ANKK1: variants seen among roughly 807,000 people sequenced by gnomAD.
ANKK1 encodes the protein ankyrin repeat and kinase domain containing 1.
ANKK1 carries 37 observed loss-of-function variants against 37.6 expected under a neutral mutation model. That is an observed-to-expected ratio of 0.98 (90% confidence interval 0.76 to 1.29). The LOEUF is 1.29. ANKK1 is among the 50% of genes most tolerant of loss of function. The probability of loss-of-function intolerance (pLI) is 0.00; values close to 1 mark genes in which losing one functional copy is unlikely to be tolerated. For synonymous variants in ANKK1, 415 were observed against 418.7 expected (o/e 0.99, Z 0.11); for missense variants, 1,019 against 990.6 (o/e 1.03, Z -0.39).
At chr11:113,389,428 T>C (rs867253469) in intron 1 of ANKK1, among the ~76,000 whole-genome samples, 1 of 152,218 alleles carries the variant, frequency 6.6e-6, no homozygotes, top group Non-Finnish European at 1.5e-5. Flanking sequence ...GCTCTTCTAC[T>C]ATGTGTCAGG....
At chr11:113,396,344 T>G in intron 5 of ANKK1, 122 bp downstream of exon 5, 2 of 390,848 alleles carry the variant, frequency 5.1e-6, no homozygotes, top group Non-Finnish European at 7.4e-6. Context: ...TAGAAGGACT[T>G]TTTTTTTTTT....
intron 4 of ANKK1, 46 bp downstream of exon 4, chr11:113,395,454 G>A (rs2138131501): frequency 6.3e-7 from 1 of 1,598,820 alleles, no homozygotes; most frequent in East Asian, 2.2e-5. Context: ...GAGGACCCCT[G>A]GGATGGGCTC....
chr11:113,397,605 G>A (rs770609329), intron 6 of ANKK1, among the ~76,000 whole-genome samples: 27 of 152,306 alleles, frequency 1.8e-4, no homozygotes, highest in Non-Finnish European at 2.2e-4. Flanking sequence ...AGGAAGGCCC[G>A]GCTCTCCCAA....
At position 113,388,037 on chromosome 11, in the gene ANKK1, G is replaced by T; in HGVS notation, c.153G>T (p.Lys51Asn). The T allele has an allele frequency of 6.5e-7, 1 of 1,537,986 alleles. No individual in the cohort carries two copies. Among genetic ancestry groups the T allele is most frequent in the Admixed American group, 1.8e-5 (1 of 54,672 alleles). The change falls in exon 1 of 8, where the codon AAG becomes AAT. Residue 51 changes from lysine to asparagine, a missense_variant. By Grantham distance (94) the Lys-to-Asn change is moderately conservative. Coordinates refer to ENST00000303941, the MANE Select transcript of ANKK1 (RefSeq NM_178510.2). ...HRRWRTEYAI[K>N]CAPCLPPDAA... ...GCTGGCGGACGGAGTACGCCATCAAGTGCGCCCCCTGCCTTCCACCCGACG... is the reference window on the plus strand; with the variant it reads ...GCTGGCGGACGGAGTACGCCATCAATTGCGCCCCCTGCCTTCCACCCGACG...
At chr11:113,398,127 C>A in intron 7 of ANKK1, 111 bp downstream of exon 7, 1 of 1,305,488 alleles carries the variant, frequency 7.7e-7, no homozygotes, top group Non-Finnish European at 1.1e-6. Context: ...AGGCCTATCA[C>A]ACATCCAGGG....
intron 1 of ANKK1, among the ~76,000 whole-genome samples, chr11:113,392,188 C>T (rs1018452679): frequency 6.6e-6 from 1 of 152,120 alleles, no homozygotes; most frequent in African/African-American, 2.4e-5. Context: ...AAACTGAGGC[C>T]CAGAGGATTC....
At chr11:113,393,837 A>T in intron 2 of ANKK1, 62 bp downstream of exon 2, 1 of 1,509,368 alleles carries the variant, frequency 6.6e-7, no homozygotes, top group Non-Finnish European at 8.9e-7. Flanking sequence ...GGTGAGCAGA[A>T]TTATCCACCT....
At chr11:113,396,670 C>T (rs1950641727) in intron 5 of ANKK1, among the ~76,000 whole-genome samples, 1 of 152,150 alleles carries the variant, frequency 6.6e-6, no homozygotes, top group Non-Finnish European at 1.5e-5. Context: ...GGATCTGCAT[C>T]ACGGGGCTGG....
In ANKK1 at chr11:113,395,042, G is replaced by C; in HGVS notation, c.594G>C (p.Glu198Asp). The C allele has an allele frequency of 6.2e-7, 1 of 1,613,066 alleles. No homozygotes were observed. Among genetic ancestry groups the C allele is most frequent in the Non-Finnish European group, 8.5e-7 (1 of 1,179,524 alleles). Residue 198 changes from glutamate to aspartate, a missense_variant, in exon 3 of 8, where the codon GAG becomes GAC. By Grantham distance (45) the Glu-to-Asp change is conservative. Coordinates refer to ENST00000303941, the MANE Select transcript of ANKK1 (RefSeq NM_178510.2). ...LSYIPPEMFL[E>D]SNKAPGPKYD... ...ACATCCCCCCTGAGATGTTCCTGGA[G>C]AGTAACAAGGCCCCAGGACCTAAAT...
intron 1 of ANKK1, among the ~76,000 whole-genome samples, chr11:113,389,607 T>C (rs1950572844): frequency 6.6e-6 from 1 of 152,198 alleles, no homozygotes; most frequent in South Asian, 2.1e-4. Context: ...CTAGGAGAGC[T>C]CATTAACAGA....
chr11:113,397,100 A>G (rs1950644865), intron 5 of ANKK1, 124 bp from the exon 6 acceptor site: 4 of 769,502 alleles, frequency 5.2e-6, no homozygotes, highest in Non-Finnish European at 8.2e-6. Flanking sequence ...GTGCATTTAT[A>G]TGAACATATG....
chr11:113,395,113 C>T (rs1226638933), intron 3 of ANKK1, 33 bp downstream of exon 3: 1 of 1,571,536 alleles, frequency 6.4e-7, no homozygotes, highest in East Asian at 2.3e-5. Context: ...TGCCACACAC[C>T]CAGCAGGCAG....
Position 113,399,439 on chromosome 11 carries a change from T to C in ANKK1, c.1470T>C (p.His490=). 1 of 1,596,786 alleles carries C rather than the reference T, an allele frequency of 6.3e-7. No individual in the cohort carries two copies. The highest frequency in any genetic ancestry group is 1.1e-5 in the South Asian group (1 of 87,936). ...CCCGTCAGGCTGACCCCAACCTGCA[T>C]GAGGCTGAGGGCAAGACCCCCCTCC... The part of the protein sequence containing the change: ...LVSRQADPNL[H]EAEGKTPLHV... Residue 490 remains histidine, a synonymous_variant, in exon 8 of 8, where the codon CAT becomes CAC. Transcript: ENST00000303941.
chr11:113,392,501 C>T (rs1271676260), intron 1 of ANKK1, among the ~76,000 whole-genome samples: 1 of 152,236 alleles, frequency 6.6e-6, no homozygotes, highest in African/African-American at 2.4e-5. Context: ...CCCGGGAGCA[C>T]ATTGCCAGCA....
rs201856441 is a variant in ANKK1, at chr11:113,399,833, C to T, written c.1864C>T (p.Leu622Phe). 409 of 1,609,336 alleles carry T rather than the reference C, an allele frequency of 2.5e-4. 2 individuals carry two copies. Among genetic ancestry groups the T allele is most frequent in the South Asian group, 7.5e-4 (68 of 90,432 alleles). Residue 622 changes from leucine (L) to phenylalanine (F), a missense_variant, in exon 8 of 8, where the codon CTT becomes TTT. Transcript: ENST00000303941. ...AGAGAGCCACGCAAACATGGGTGCT[C>T]TTGGAGCTGTGAACTGGACTCCCCT... The part of the protein sequence containing the change: ...LAESHANMGA[L>F]GAVNWTPLHL...
chr11:113,395,518 G>C, intron 4 of ANKK1, 110 bp downstream of exon 4: 1 of 1,146,476 alleles, frequency 8.7e-7, no homozygotes, highest in Non-Finnish European at 1.3e-6. Context: ...TTGCAGGTTT[G>C]TGTGGAACTG....
chr11:113,392,962 A>T (rs1271326277), intron 1 of ANKK1, among the ~76,000 whole-genome samples: 2 of 152,164 alleles, frequency 1.3e-5, no homozygotes, highest in African/African-American at 4.8e-5. Flanking sequence ...TAGTAAAAGG[A>T]TATACTAAAA....
At chr11:113,396,253 T>A (rs1950638495) in intron 5 of ANKK1, 31 bp downstream of exon 5, 1 of 1,608,312 alleles carries the variant, frequency 6.2e-7, no homozygotes, top group Non-Finnish European at 8.5e-7. Context: ...ACCCAGGGAC[T>A]GGGAGCTGGG....
chr11:113,398,200 G>C (rs1950654991), intron 7 of ANKK1, among the ~76,000 whole-genome samples, 184 bp downstream of exon 7: 1 of 151,886 alleles, frequency 6.6e-6, no homozygotes, highest in South Asian at 2.1e-4. Flanking sequence ...CAGGGAGCCT[G>C]GCTGCCTCCC....
Sources: allele counts gnomAD v4.1 joint callset (sites outside exome capture counted in the v4.1 genomes callset), GRCh38; gene constraint gnomAD v4.1.1; transcripts MANE v1.5; gene names NCBI Gene and HGNC (gene_info 2026-07-23, HGNC 2026-07-21).